ZNF841: variants seen among roughly 807,000 people sequenced by gnomAD.
ZNF841 encodes zinc finger protein 841, also known as TCONS_00006091.
ZNF841 carries 11 observed loss-of-function variants against 13.0 expected under a neutral mutation model. The observed-to-expected ratio is 0.85, with a 90% CI of 0.53 to 1.40. The LOEUF (loss-of-function observed/expected upper bound fraction) is 1.40, where lower values mean the gene tolerates loss of function less well. ZNF841 is among the 40% of genes most tolerant of loss of function. The pLI is 0.00. For synonymous variants in ZNF841, 369 were observed against 381.6 expected (o/e 0.97, Z 0.38); for missense variants, 1,068 against 1,139.5 (o/e 0.94, Z 0.90).
chr19:52,072,898 A>T (rs529327822), intron 6 of ZNF841, among the ~76,000 whole-genome samples: 1 of 152,356 alleles, frequency 6.6e-6, no homozygotes, highest in South Asian at 2.1e-4. Context: ...GGGAAATTTT[A>T]AAAATCTCAA....
Position 52,065,464 on chromosome 19 carries a change from T to G in ZNF841, c.2418A>C (p.Ser806=), listed in dbSNP as rs887877752. The G allele has an allele frequency of 1.2e-6, 2 of 1,613,996 alleles. No individual in the cohort carries two copies. The highest frequency in any genetic ancestry group is 1.7e-6 in the Non-Finnish European group (2 of 1,180,012). ...NECGKAFRVR[S]ILLNHQMMHT... ...GCATCATCTGATGATTAAGCAGAAT[T>G]GAACGTACTCTAAAGGCTTTGCCAC... The change falls in exon 7 of 7, where the codon TCA becomes TCC. Residue 806 remains serine, a synonymous_variant. Coordinates refer to ENST00000594440, the MANE Select transcript of ZNF841 (RefSeq NM_001136499.2).
chr19:52,067,195 AC>A lies in ZNF841; in HGVS notation c.686del (p.Gly229ValfsTer34). The A allele has an allele frequency of 5.2e-6, 8 of 1,550,788 alleles. No individual in the cohort carries two copies. The highest frequency in any genetic ancestry group is 2.0e-5 in the Admixed American group (1 of 50,754). Reference sequence around the variant, plus strand: ...ATTTCCTAGAAATGTTGGTTTGGACACCAGGAAAAATTCTTTGAAGTGGTGA... The same window carrying A: ...ATTTCCTAGAAATGTTGGTTTGGACACAGGAAAAATTCTTTGAAGTGGTGA... ...LASPLQRIFPGVQTNISRKYG... is the reference protein window; with the variant it reads ...LASPLQRIFPXVQTNISRKYG... On this transcript the variant is annotated frameshift_variant, in exon 7 of 7. Coordinates refer to ENST00000594440, the MANE Select transcript of ZNF841 (RefSeq NM_001136499.2). LOFTEE classifies it low-confidence loss of function (END_TRUNC).
chr19:52,083,100 C>G (rs2088152213), intron 4 of ZNF841, among the ~76,000 whole-genome samples: 1 of 151,182 alleles, frequency 6.6e-6, no homozygotes, highest in Non-Finnish European at 1.5e-5. Context: ...AAAAAATGTA[C>G]ATTTCAAAAA....
Position 52,084,818 on chromosome 19 carries a change from T to A in ZNF841, c.-17A>T, listed in dbSNP as rs538156713. The A allele has an allele frequency of 3.7e-6, 6 of 1,612,724 alleles. No individual in the cohort carries two copies. The South Asian group carries it at 6.6e-5, about 18-fold the overall frequency. On this transcript the variant is annotated 5_prime_UTR_variant, in exon 4 of 7. Coordinates refer to ENST00000594440, the MANE Select transcript of ZNF841 (RefSeq NM_001136499.2). ...AAGAGCCATCCCTGGCTCCTTTTCT[T>A]TCTTCTTTCTCTCCTGGGCCTCTCT...
intron 4 of ZNF841, among the ~76,000 whole-genome samples, chr19:52,078,872 T>G (rs188693306): frequency 6.6e-6 from 1 of 152,300 alleles, no homozygotes; most frequent in East Asian, 1.9e-4. Flanking sequence ...GGCTGATTTA[T>G]GAAATGATGA....
downstream of ZNF841, among the ~76,000 whole-genome samples, chr19:52,061,485 AC>A (rs564798248): frequency 2.6e-5 from 4 of 151,094 alleles, no homozygotes; most frequent in Non-Finnish European, 5.9e-5. Flanking sequence ...CCCAGAACCC[AC>A]CCCCACCACC....
At chr19:52,084,484 C>T (rs181984856) in intron 4 of ZNF841, among the ~76,000 whole-genome samples, 315 of 152,212 alleles carry the variant, frequency 2.1e-3, no homozygotes, top group African/African-American at 7.2e-3. Context: ...CAGATGTTGC[C>T]CCTAAACAAT....
intron 3 of ZNF841, among the ~76,000 whole-genome samples, chr19:52,088,523 A>G (rs1284323110): frequency 1.3e-5 from 2 of 152,220 alleles, no homozygotes; most frequent in Non-Finnish European, 2.9e-5. Flanking sequence ...AAATTTATAT[A>G]AACACCTCTA....
chr19:52,093,712 T>C (rs8100579), intron 2 of ZNF841, 134 bp downstream of exon 2: 27,080 of 152,136 alleles, frequency 0.18, 2,898 homozygotes, highest in South Asian at 0.31. Flanking sequence ...TTAGCAACTA[T>C]AGGAAAGAAG....
chr19:52,063,940 T>C (rs531290210), downstream of ZNF841, among the ~76,000 whole-genome samples: 69 of 152,338 alleles, frequency 4.5e-4, no homozygotes, highest in African/African-American at 1.5e-3. Context: ...CTTTGAGTTA[T>C]AGATCCACAA....
chr19:52,077,030 A>T lies in ZNF841; in HGVS notation c.70T>A (p.Cys24Ser). 1 of 1,613,358 alleles carries T rather than the reference A, an allele frequency of 6.2e-7. No homozygotes were observed. Among genetic ancestry groups the T allele is most frequent in the Non-Finnish European group, 8.5e-7 (1 of 1,179,552 alleles). Reference protein sequence around the residue: ...AVEFSQEEWKCLDPVQKALYR... With the variant: ...AVEFSQEEWKSLDPVQKALYR... Reference sequence around the variant, plus strand: ...AAAGCTTTCTGAACAGGGTCCAGGCATTTCCACTCCTCCTGAGAGAATTCT... The same window carrying T: ...AAAGCTTTCTGAACAGGGTCCAGGCTTTTCCACTCCTCCTGAGAGAATTCT... Residue 24 changes from cysteine (C) to serine (S), a missense_variant, in exon 5 of 7, where the codon TGC becomes AGC. By Grantham distance (112) the Cys-to-Ser change is moderately radical. Coordinates refer to ENST00000594440, the MANE Select transcript of ZNF841 (RefSeq NM_001136499.2).
chr19:52,091,227 T>C (rs1380774408), intron 2 of ZNF841, among the ~76,000 whole-genome samples: 1 of 152,172 alleles, frequency 6.6e-6, no homozygotes, highest in African/African-American at 2.4e-5. Context: ...CCCATGTTCA[T>C]AGATTGTAAG....
intron 2 of ZNF841, among the ~76,000 whole-genome samples, chr19:52,091,726 G>A (rs550408754): frequency 3.9e-5 from 6 of 151,998 alleles, no homozygotes; most frequent in South Asian, 2.1e-4. Flanking sequence ...ATCTAAAACC[G>A]TAAAACCCCA....
intron 4 of ZNF841, among the ~76,000 whole-genome samples, chr19:52,080,253 C>T (rs2088054230): frequency 1.3e-5 from 2 of 152,090 alleles, no homozygotes; most frequent in African/African-American, 4.8e-5. Context: ...ACAGGAATCC[C>T]CAAACTCTCC....
At chr19:52,074,907 T>C (rs2087850372) in intron 6 of ZNF841, among the ~76,000 whole-genome samples, 1 of 152,208 alleles carries the variant, frequency 6.6e-6, no homozygotes, top group Non-Finnish European at 1.5e-5. Context: ...CCTTGAAAGA[T>C]ACTTTTGTGA....
chr19:52,080,695 C>G (rs2088070025), intron 4 of ZNF841, among the ~76,000 whole-genome samples: 1 of 152,002 alleles, frequency 6.6e-6, no homozygotes, highest in East Asian at 1.9e-4. Context: ...TACTGTAGCA[C>G]CAAAGTCTGC....
chr19:52,093,130 C>T (rs894979246), intron 2 of ZNF841, among the ~76,000 whole-genome samples: 3 of 151,956 alleles, frequency 2.0e-5, no homozygotes, highest in African/African-American at 7.3e-5. Flanking sequence ...AAAAAGAAAA[C>T]CTTACAAAAT....
intron 6 of ZNF841, among the ~76,000 whole-genome samples, chr19:52,068,404 C>T (rs79817140): frequency 0.15 from 22,344 of 152,000 alleles, 2,169 homozygotes; most frequent in East Asian, 0.38. Flanking sequence ...CAGCCGGGCA[C>T]GGTGGCTCAA....
intron 3 of ZNF841, among the ~76,000 whole-genome samples, chr19:52,088,585 A>G (rs1226815656): frequency 6.6e-6 from 1 of 152,170 alleles, no homozygotes; most frequent in African/African-American, 2.4e-5. Flanking sequence ...AAATGTAAAG[A>G]CGCAGTATTC....
Sources: gnomAD v4.1 joint callset for allele counts (sites outside exome capture counted in the v4.1 genomes callset) on GRCh38, gnomAD v4.1.1 for gene constraint, MANE v1.5 for transcripts, NCBI Gene and HGNC (gene_info 2026-07-23, HGNC 2026-07-21) for gene names.